The following ADAMTS2 variants were observed in gnomAD, a reference collection of about 807,000 sequenced individuals.
ADAMTS2 encodes A disintegrin and metalloproteinase with thrombospondin motifs 2.
ADAMTS2 carries 50 observed loss-of-function variants against 123.0 expected under a neutral mutation model. That is an observed-to-expected ratio of 0.41 (90% confidence interval 0.32 to 0.51). The LOEUF is 0.51. ADAMTS2 is among the 20% of genes least tolerant of loss of function. ADAMTS2 has a pLI of 0.35. For missense variants in ADAMTS2, 1,494 were observed against 1,705.2 expected (o/e 0.88, Z 2.18); for synonymous variants, 678 against 695.4 (o/e 0.98, Z 0.39).
rs1764220068 is a variant in ADAMTS2, at chr5:179,188,263, C to G, written c.892-7108G>C. 6.6e-6 allele frequency among the ~76,000 whole-genome samples: 1 copy of G among 152,116 alleles called. No homozygotes were observed. Among genetic ancestry groups the G allele is most frequent in the African/African-American group, 2.4e-5 (1 of 41,432 alleles). On this transcript the variant is annotated intron_variant, in intron 4 of 21. Transcript: ENST00000251582. This position sits in a 1 kb window ranked among gnomAD's most constrained non-coding sequence, Gnocchi z 5.1. The stretch of plus-strand genomic sequence containing the variant: ...CAGGCCTGAAAAGTCTGTCAGAGGC[C>G]TGGGGGAGGGGGGCCTGCTGCTCTG...
chr5:179,269,283 G>A (rs550184262), intron 3 of ADAMTS2, among the ~76,000 whole-genome samples: 134 of 152,318 alleles, frequency 8.8e-4, no homozygotes, highest in Non-Finnish European at 1.4e-3. Context: ...CTGGCCCACA[G>A]AGCTGTGAGA....
chr5:179,237,576 G>A (rs112504392), intron 3 of ADAMTS2, among the ~76,000 whole-genome samples: 2,827 of 152,282 alleles, frequency 0.019, 39 homozygotes, highest in Middle Eastern at 0.024. Context: ...ATCCAGTCGC[G>A]TCAGTTAAGC....
chr5:179,261,603 A>C (rs1490758373), intron 3 of ADAMTS2, among the ~76,000 whole-genome samples: 6 of 152,166 alleles, frequency 3.9e-5, no homozygotes, highest in African/African-American at 1.4e-4. Context: ...GTTTCAAGAG[A>C]GTTTGCACCA....
intron 4 of ADAMTS2, among the ~76,000 whole-genome samples, chr5:179,182,449 G>C (rs748718668): frequency 5.9e-5 from 9 of 152,140 alleles, no homozygotes; most frequent in Non-Finnish European, 1.2e-4. Context: ...GAGCAACAGT[G>C]ATTGCTACCT....
intron 2 of ADAMTS2, among the ~76,000 whole-genome samples, chr5:179,339,946 C>A (rs1039991210): frequency 1.3e-5 from 2 of 152,236 alleles, no homozygotes; most frequent in African/African-American, 2.4e-5. Flanking sequence ...CTCTCTGTGG[C>A]CTTTATGACT....
intron 10 of ADAMTS2, among the ~76,000 whole-genome samples, chr5:179,150,572 C>A (rs146851932): frequency 5.9e-5 from 9 of 152,280 alleles, no homozygotes; most frequent in Non-Finnish European, 1.2e-4. Context: ...ACCCACACGA[C>A]GGGAGGTTAT....
Position 179,158,821 on chromosome 5 carries a change from C to T in ADAMTS2, c.1034G>A (p.Trp345Ter). The change falls in exon 6 of 22, where the codon TGG becomes TAG. Residue 345 changes from tryptophan to a stop codon, truncating the protein, a stop_gained. Coordinates refer to ENST00000251582, the MANE Select transcript of ADAMTS2 (RefSeq NM_014244.5). LOFTEE classifies it high-confidence loss of function. The surrounding 1 kb of genome is among the most constrained non-coding windows in gnomAD (Gnocchi z 5.0). The stretch of plus-strand genomic sequence containing the variant: ...GTCTGGCTTCTGCTGGAGGTAGGCC[C>T]AGCGGCAGACATTCTCCAGGCTCTG... ...PSQSLENVCR[W>*]AYLQQKPDTG... The T allele has an allele frequency of 6.2e-7, 1 of 1,614,210 alleles. No homozygotes were observed. The highest frequency in any genetic ancestry group is 8.5e-7 in the Non-Finnish European group (1 of 1,180,050).
chr5:179,207,559 TG>T lies in ADAMTS2; in HGVS notation c.844del (p.His282ThrfsTer11), dbSNP rs1430336277. The stretch of plus-strand genomic sequence containing the variant: ...GTACTTCTGTACGTGCTCCTTCCCG[TG>T]GAACTGCACCACAGAGTCATCCACG... The part of the protein sequence containing the change: ...LGVDDSVVQF[H>X]GKEHVQKYLL... On this transcript the variant is annotated frameshift_variant, in exon 4 of 22. Transcript: ENST00000251582. LOFTEE classifies it high-confidence loss of function. 6.3e-7 allele frequency: 1 copy of T among 1,583,146 alleles called. No individual in the cohort carries two copies. Among genetic ancestry groups the T allele is most frequent in the Non-Finnish European group, 8.6e-7 (1 of 1,162,040 alleles).
chr5:179,310,783 C>G (rs1756809818), intron 2 of ADAMTS2, among the ~76,000 whole-genome samples: 1 of 152,134 alleles, frequency 6.6e-6, no homozygotes, highest in African/African-American at 2.4e-5. Flanking sequence ...GGTGTAGAGG[C>G]CCTACTGCCC....
At chr5:179,289,118 C>T (rs2113540671) in intron 2 of ADAMTS2, among the ~76,000 whole-genome samples, 1 of 152,284 alleles carries the variant, frequency 6.6e-6, no homozygotes, top group Middle Eastern at 3.4e-3. Flanking sequence ...TGCGCCCCTC[C>T]TGCAGGGCTC....
intron 5 of ADAMTS2, among the ~76,000 whole-genome samples, chr5:179,164,603 A>G (rs764394455): frequency 6.6e-6 from 1 of 152,050 alleles, no homozygotes; most frequent in Non-Finnish European, 1.5e-5. Flanking sequence ...AGTGCAGGAA[A>G]CATGGTCACG....
intron 2 of ADAMTS2, among the ~76,000 whole-genome samples, chr5:179,281,478 T>TTCACTTGAAACC: frequency 1.3e-5 from 2 of 152,364 alleles, no homozygotes; most frequent in East Asian, 3.8e-4. Context: ...CTTCACTTAG[T>TTCACTTGAAACC]ATGTTTTCAA....
chr5:179,260,938 TGCCCACCTTC>T lies in ADAMTS2; in HGVS notation c.688+11963_688+11972del, dbSNP rs1384163837. 6.6e-6 allele frequency among the ~76,000 whole-genome samples: 1 copy of T among 152,046 alleles called. No individual in the cohort carries two copies. The highest frequency in any genetic ancestry group is 1.5e-5 in the Non-Finnish European group (1 of 68,024). On this transcript the variant is annotated intron_variant, in intron 3 of 21. Transcript: ENST00000251582. This position sits in a 1 kb window ranked among gnomAD's most constrained non-coding sequence, Gnocchi z 4.2. The stretch of plus-strand genomic sequence containing the variant: ...GCCTATTAAATGACACCATGAAGAG[TGCCCACCTTC>T]GCGCAGGCCCTCGGTGAATGGGCAT...
In ADAMTS2 at chr5:179,228,722, A is replaced by G. The variant is rs1765343080; in HGVS notation, c.689-21007T>C. Among the ~76,000 whole-genome samples the G allele has an allele frequency of 6.6e-6, 1 of 152,134 alleles. No individual in the cohort carries two copies. Among genetic ancestry groups the G allele is most frequent in the Non-Finnish European group, 1.5e-5 (1 of 68,006 alleles). Reference sequence around the variant, plus strand: ...CACTAACCAAAGCCAGCGGACATCCACTGCCTGCGGAGCATCTGGGGAAGG... The same window carrying G: ...CACTAACCAAAGCCAGCGGACATCCGCTGCCTGCGGAGCATCTGGGGAAGG... On this transcript the variant is annotated intron_variant, in intron 3 of 21. Coordinates refer to ENST00000251582, the MANE Select transcript of ADAMTS2 (RefSeq NM_014244.5). The surrounding 1 kb of genome is among the most constrained non-coding windows in gnomAD (Gnocchi z 5.2).
At chr5:179,172,915 A>T (rs1483797449) in intron 5 of ADAMTS2, among the ~76,000 whole-genome samples, 4 of 152,020 alleles carry the variant, frequency 2.6e-5, no homozygotes, top group Non-Finnish European at 5.9e-5. Context: ...TATAAAAGAA[A>T]CATGCTGGTC....
intron 3 of ADAMTS2, among the ~76,000 whole-genome samples, chr5:179,213,311 T>C (rs902342547): frequency 6.6e-6 from 1 of 152,214 alleles, no homozygotes; most frequent in Non-Finnish European, 1.5e-5. Context: ...TGCTCTTCCT[T>C]CCTGTGACAC....
intron 3 of ADAMTS2, among the ~76,000 whole-genome samples, chr5:179,241,463 G>A (rs754204219): frequency 1.1e-4 from 16 of 152,204 alleles, no homozygotes; most frequent in Non-Finnish European, 1.8e-4. Context: ...AGTTCGGGTT[G>A]TTATTCTGCT....
chr5:179,160,436 G>A (rs544599093), intron 5 of ADAMTS2, among the ~76,000 whole-genome samples: 1 of 152,312 alleles, frequency 6.6e-6, no homozygotes, highest in East Asian at 1.9e-4. Context: ...AGGCGACAGA[G>A]TGAGACTCCG....
chr5:179,193,041 G>A (rs939528360), intron 4 of ADAMTS2, among the ~76,000 whole-genome samples: 1 of 152,178 alleles, frequency 6.6e-6, no homozygotes, highest in Middle Eastern at 3.2e-3. Flanking sequence ...TGTGTGGAAT[G>A]ATGCCCTCCC....
Sources: allele counts gnomAD v4.1 joint callset (sites outside exome capture counted in the v4.1 genomes callset), GRCh38; gene constraint gnomAD v4.1.1; non-coding constraint Gnocchi (gnomAD v3.1); transcripts MANE v1.5; gene names NCBI Gene and HGNC (gene_info 2026-07-23, HGNC 2026-07-21).